MTMR7: variants seen among roughly 807,000 people sequenced by gnomAD.
MTMR7 encodes myotubularin related protein 7, also known as phosphatidylinositol-3-phosphate phosphatase MTMR7.
In MTMR7, 76 loss-of-function variants were observed where a neutral mutation model predicts 81.2. The observed-to-expected ratio is 0.94, with a 90% CI of 0.78 to 1.13. The LOEUF is 1.13. Ranked by LOEUF, MTMR7 falls within the 50% of genes most tolerant of loss-of-function variation. The pLI is 0.00. For missense variants in MTMR7, 1,044 were observed against 820.0 expected (o/e 1.27, Z -3.34); for synonymous variants, 372 against 289.8 (o/e 1.28, Z -2.88).
chr8:17,337,556 A>G lies in MTMR7; in HGVS notation c.732+3807T>C, dbSNP rs75655277. 2.6e-3 allele frequency among the ~76,000 whole-genome samples: 394 copies of G among 151,556 alleles called. 1 individual carries two copies. The highest frequency in any genetic ancestry group is 0.017 in the Middle Eastern group (5 of 294). ...ACTAATACGTGCCCTGAAGAGTATA[A>G]TTTTTTTTTGGAATTGACATTCAAT... On this transcript the variant is annotated intron_variant, in intron 6 of 13. Transcript: ENST00000180173.
At chr8:17,341,314 A>C (rs1819400418) in intron 6 of MTMR7, 49 bp downstream of exon 6, 3 of 1,606,586 alleles carry the variant, frequency 1.9e-6, no homozygotes, top group Non-Finnish European at 2.6e-6. Context: ...GCCTGTCTCC[A>C]GTTTCACAAC....
At chr8:17,302,689 T>C (rs1325900789) in intron 12 of MTMR7, among the ~76,000 whole-genome samples, 5 of 134,492 alleles carry the variant, frequency 3.7e-5, no homozygotes, top group African/African-American at 1.3e-4. Flanking sequence ...AAGTTGACAT[T>C]TGCATTGGCA....
chr8:17,368,939 A>T (rs1223871899), intron 3 of MTMR7, among the ~76,000 whole-genome samples: 1 of 152,176 alleles, frequency 6.6e-6, no homozygotes, highest in African/African-American at 2.4e-5. Flanking sequence ...CTTTTCGAAA[A>T]TGAGGGAACA....
At chr8:17,407,513 A>C (rs1041995042) in intron 1 of MTMR7, among the ~76,000 whole-genome samples, 2 of 152,176 alleles carry the variant, frequency 1.3e-5, no homozygotes, top group African/African-American at 4.8e-5. Context: ...AATCACATGC[A>C]GATAATAATG....
At chr8:17,371,336 T>C (rs1820414942) in intron 2 of MTMR7, 137 bp from the exon 3 acceptor site, 9 of 887,796 alleles carry the variant, frequency 1.0e-5, no homozygotes, top group Non-Finnish European at 1.0e-5. Context: ...TGCGTTCAGA[T>C]GACAAGCACT....
intron 1 of MTMR7, among the ~76,000 whole-genome samples, chr8:17,409,350 C>T (rs1307387728): frequency 1.3e-5 from 2 of 152,066 alleles, no homozygotes; most frequent in African/African-American, 4.8e-5. Context: ...GCCCCAGCTA[C>T]TCGGGAGGCT....
intron 10 of MTMR7, among the ~76,000 whole-genome samples, chr8:17,307,078 A>G (rs1487987704): frequency 6.6e-6 from 1 of 152,228 alleles, no homozygotes; most frequent in Non-Finnish European, 1.5e-5. Context: ...ACAGCAGAAG[A>G]AACTACCATC....
chr8:17,304,515 G>A lies in MTMR7; in HGVS notation c.1357C>T (p.Gln453Ter). The stretch of plus-strand genomic sequence containing the variant: ...GCCCATAATGAGTATGTTCTTTCTT[G>A]AATCCTGTTATAAAGAAAATAAGTC... ...SQKERRELKI[Q>*]ERTYSLWAHL... Residue 453 changes from glutamine to a stop codon, truncating the protein, a stop_gained, in exon 12 of 14, where the codon CAA (glutamine) becomes TAA (stop). Coordinates refer to ENST00000180173, the MANE Select transcript of MTMR7 (RefSeq NM_004686.5). LOFTEE classifies it high-confidence loss of function. The A allele has an allele frequency of 6.2e-7, 1 of 1,613,028 alleles. No homozygotes were observed. The highest frequency in any genetic ancestry group is 8.5e-7 in the Non-Finnish European group (1 of 1,179,238).
At chr8:17,336,869 G>A (rs1421505302) in intron 6 of MTMR7, among the ~76,000 whole-genome samples, 1 of 152,198 alleles carries the variant, frequency 6.6e-6, no homozygotes, top group African/African-American at 2.4e-5. Context: ...CTCTGCTGGA[G>A]AATTTTTGTA....
At chr8:17,348,032 G>C (rs1031651819) in intron 5 of MTMR7, among the ~76,000 whole-genome samples, 2 of 152,142 alleles carry the variant, frequency 1.3e-5, no homozygotes, top group Non-Finnish European at 2.9e-5. Context: ...TAAGTGGGGT[G>C]GGGCCAGGCT....
At position 17,384,376 on chromosome 8, in the gene MTMR7, C is replaced by A. The variant is rs146524334; in HGVS notation, c.25-11136G>T. Among the ~76,000 whole-genome samples, 1,304 of 152,208 alleles carry A rather than the reference C, an allele frequency of 8.6e-3. 41 individuals carry two copies. The highest frequency in any genetic ancestry group is 0.03 in the African/African-American group (1,249 of 41,538). On this transcript the variant is annotated intron_variant, in intron 1 of 13. Transcript: ENST00000180173. ...TAGTCAGACATGATCGTGCCACTGC[C>A]TTCCAGCCTGGATGACAGAGTGAGA...
chr8:17,345,278 A>G (rs1322083746), intron 5 of MTMR7, among the ~76,000 whole-genome samples: 3 of 152,230 alleles, frequency 2.0e-5, no homozygotes, highest in Non-Finnish European at 4.4e-5. Context: ...TTCTTATCCA[A>G]CAGACCAGGT....
At chr8:17,388,557 G>A (rs76510864) in intron 1 of MTMR7, among the ~76,000 whole-genome samples, 41,640 of 152,170 alleles carry the variant, frequency 0.27, 7,424 homozygotes, top group Middle Eastern at 0.42. Context: ...TTCCTTTAAC[G>A]ATATTTCTAA....
intron 1 of MTMR7, among the ~76,000 whole-genome samples, chr8:17,387,510 G>C (rs143534920): frequency 1.4e-4 from 22 of 152,314 alleles, no homozygotes; most frequent in African/African-American, 4.8e-4. Context: ...TGTTATGTTG[G>C]TTGCAGAGAA....
At chr8:17,354,378 T>C (rs1017826820) in intron 4 of MTMR7, among the ~76,000 whole-genome samples, 1 of 152,166 alleles carries the variant, frequency 6.6e-6, no homozygotes, top group Non-Finnish European at 1.5e-5. Context: ...GAGAGTTAGA[T>C]TAAAACTTTA....
intron 1 of MTMR7, among the ~76,000 whole-genome samples, chr8:17,374,544 C>T (rs1197852688): frequency 6.6e-6 from 1 of 152,088 alleles, no homozygotes; most frequent in Non-Finnish European, 1.5e-5. Context: ...TCGCTTGAAC[C>T]CAGGAGGCGG....
At chr8:17,372,553 A>C (rs12678952) in intron 2 of MTMR7, among the ~76,000 whole-genome samples, 21,070 of 152,038 alleles carry the variant, frequency 0.14, 1,830 homozygotes, top group East Asian at 0.39. Context: ...GCATCACTGC[A>C]CTCCAGCCTG....
In MTMR7 at chr8:17,370,972, C is replaced by G. The variant is rs1002915234; in HGVS notation, c.310+65G>C. 2.0e-6 allele frequency: 3 copies of G among 1,528,966 alleles called. No homozygotes were observed. The African/African-American group carries it at 4.1e-5, about 21-fold the overall frequency. The allele number at this position is 1,528,966 out of a possible 1,614,324, so 94.7% of individuals were successfully genotyped here. A position where few individuals can be genotyped will look rare whatever the true frequency, so the allele number is the denominator to read the frequency against. ...ATCATTCCTAAGCACCATACAAATT[C>G]TTGAATCTGATTTGCAAATTTTTAA... On this transcript the variant is annotated intron_variant, in intron 3 of 13. Transcript: ENST00000180173.
intron 1 of MTMR7, among the ~76,000 whole-genome samples, chr8:17,400,188 C>T (rs1322685728): frequency 6.6e-6 from 1 of 151,928 alleles, no homozygotes; most frequent in African/African-American, 2.4e-5. Context: ...ACAATAGTAC[C>T]GATAGTACTG....
Sources: allele counts gnomAD v4.1 joint callset (sites outside exome capture counted in the v4.1 genomes callset), GRCh38; gene constraint gnomAD v4.1.1; transcripts MANE v1.5; gene names NCBI Gene and HGNC (gene_info 2026-07-23, HGNC 2026-07-21).